ADAM28: variants seen among roughly 807,000 people sequenced by gnomAD.
The protein encoded by ADAM28 is disintegrin and metalloproteinase domain-containing protein 28.
Under a neutral mutation model 101.2 loss-of-function variants are expected in ADAM28, and 105 were observed. The ratio of observed to expected loss-of-function variants is 1.04; its 90% CI spans 0.89 to 1.22. The LOEUF (loss-of-function observed/expected upper bound fraction) is 1.22, where lower values mean the gene tolerates loss of function less well. Among genes scored for constraint, ADAM28 ranks in the 50% most tolerant of loss-of-function variants. The probability of loss-of-function intolerance (pLI) is 0.00; values close to 1 mark genes in which losing one functional copy is unlikely to be tolerated. For synonymous variants in ADAM28, 322 were observed against 310.6 expected (o/e 1.04, Z -0.39); for missense variants, 1,028 against 945.4 (o/e 1.09, Z -1.15).
At chr8:24,311,218 T>C in intron 4 of ADAM28, 143 bp from the exon 5 acceptor site, 1 of 567,344 alleles carries the variant, frequency 1.8e-6, no homozygotes, top group Non-Finnish European at 3.0e-6. Flanking sequence ...TTTTAATTAT[T>C]TTTTAAACAT....
rs1810223624 is a variant in ADAM28, at chr8:24,309,944, T to C, written c.201T>C (p.Ile67=). 4 of 1,572,478 alleles carry C rather than the reference T, an allele frequency of 2.5e-6. No homozygotes were observed. Among genetic ancestry groups the C allele is most frequent in the East Asian group, 2.2e-5 (1 of 44,676 alleles). Residue 67 remains isoleucine, a synonymous_variant, in exon 3 of 23, where the codon ATT becomes ATC. Transcript: ENST00000265769. ...ATAAAATGACAATTAATGGAAAAAT[T>C]GCAGTGCTTTATTTGAAAAAAAACA... ...LKYKMTINGK[I]AVLYLKKNKN...
At chr8:24,338,784 T>C (rs1585696913) in intron 14 of ADAM28, among the ~76,000 whole-genome samples, 1 of 152,234 alleles carries the variant, frequency 6.6e-6, no homozygotes, top group East Asian at 1.9e-4. Context: ...AGAAGGAACA[T>C]AGGTCTTTCT....
chr8:24,299,725 C>CAGT, intron 1 of ADAM28: 1 of 280,558 alleles, frequency 3.6e-6, no homozygotes. Flanking sequence ...TCTCTAAATA[C>CAGT]AGTAACACCT....
In ADAM28 at chr8:24,333,227, A is replaced by G. The variant is rs372226196; in HGVS notation, c.1371+478A>G. 3.9e-5 allele frequency among the ~76,000 whole-genome samples: 6 copies of G among 152,166 alleles called. No homozygotes were observed. In the East Asian group the frequency reaches 1.2e-3, roughly 29 times the overall value. ...AAGTTACAGTTATGTAGCATGAGTA[A>G]GGTTAAAGATCTAATGTACAACATG... On this transcript the variant is annotated intron_variant, in intron 13 of 22. Transcript: ENST00000265769.
intron 1 of ADAM28, among the ~76,000 whole-genome samples, chr8:24,299,031 GAA>G (rs34327674): frequency 0.032 from 3,736 of 116,812 alleles, 173 homozygotes; most frequent in African/African-American, 0.11. Flanking sequence ...TTCTCTAATA[GAA>G]AAAAAAAAAA....
rs746591103 is a variant in ADAM28, at chr8:24,311,422, C to T, written c.368C>T (p.Thr123Ile). ...AAGGTTTCTGACGCTAGCATCAGCA[C>T]ATGTAGGGGTCTAAGGTAAGACTTC... ...NEKVSDASIS[T>I]CRGLRGYFSQ... is the part of the protein sequence containing the mutation. The change falls in exon 5 of 23, where the codon ACA becomes ATA. Residue 123 changes from threonine (T) to isoleucine (I), a missense_variant. By Grantham distance (89) the Thr-to-Ile change is moderately conservative (BLOSUM62 -1). Transcript: ENST00000265769. 6.2e-7 allele frequency: 1 copy of T among 1,612,896 alleles called. No homozygotes were observed. Among genetic ancestry groups the T allele is most frequent in the South Asian group, 1.1e-5 (1 of 90,970 alleles).
At chr8:24,312,568 G>A (rs185176043) in intron 5 of ADAM28, among the ~76,000 whole-genome samples, 1 of 151,832 alleles carries the variant, frequency 6.6e-6, no homozygotes, top group Admixed American at 6.6e-5. Context: ...CTAATTTTAT[G>A]TACATTTAAT....
Position 24,349,910 on chromosome 8 carries a change from TGTG to T in ADAM28, c.2043_2045del (p.Val682del), listed in dbSNP as rs1447805046. 6.2e-7 allele frequency: 1 copy of T among 1,613,620 alleles called. No homozygotes were observed. The highest frequency in any genetic ancestry group is 1.3e-5 in the African/African-American group (1 of 74,858). On this transcript the variant is annotated inframe_deletion, in exon 19 of 23. Coordinates refer to ENST00000265769, the MANE Select transcript of ADAM28 (RefSeq NM_014265.6). Reference sequence around the variant, plus strand: ...TGCTGTTCCCAATGGCGGTCATTTTTGTGGTGGTTGCTATGGTAATCCGGCACC... The same window carrying T: ...TGCTGTTCCCAATGGCGGTCATTTTTGTGGTTGCTATGGTAATCCGGCACC...
At chr8:24,341,966 C>G (rs1453741170) in intron 16 of ADAM28, among the ~76,000 whole-genome samples, 1 of 152,186 alleles carries the variant, frequency 6.6e-6, no homozygotes, top group African/African-American at 2.4e-5. Context: ...CTGACATTAA[C>G]ATTCTCAAAC....
At chr8:24,331,783 A>C (rs1264111086) in intron 12 of ADAM28, among the ~76,000 whole-genome samples, 1 of 152,142 alleles carries the variant, frequency 6.6e-6, no homozygotes, top group Non-Finnish European at 1.5e-5. Context: ...AAGACCACCC[A>C]GCACAGGGAT....
chr8:24,354,536 C>G lies in ADAM28; in HGVS notation c.*132C>G. ...TCAAGAAGGTTAACATTTTCTGATTCATGTTAGACTTTGAAGAGACTAAAG... is the reference window on the plus strand; with the variant it reads ...TCAAGAAGGTTAACATTTTCTGATTGATGTTAGACTTTGAAGAGACTAAAG... On this transcript the variant is annotated 3_prime_UTR_variant, in exon 23 of 23. Transcript: ENST00000265769. 8.9e-7 allele frequency: 1 copy of G among 1,121,814 alleles called. No individual in the cohort carries two copies. The highest frequency in any genetic ancestry group is 1.2e-6 in the Non-Finnish European group (1 of 812,066). The allele number at this position is 1,121,814 out of a possible 1,614,324, so 69.5% of individuals were successfully genotyped here. A position where few individuals can be genotyped will look rare whatever the true frequency, so the allele number is the denominator to read the frequency against.
At chr8:24,348,913 G>A (rs6994337) in intron 18 of ADAM28, among the ~76,000 whole-genome samples, 26,426 of 152,070 alleles carry the variant, frequency 0.17, 2,390 homozygotes, top group East Asian at 0.34. Context: ...GTAAGTGTAT[G>A]TTTTTCATTC....
intron 18 of ADAM28, among the ~76,000 whole-genome samples, chr8:24,349,427 A>G (rs1361555664): frequency 6.6e-6 from 1 of 152,200 alleles, no homozygotes; most frequent in Non-Finnish European, 1.5e-5. Flanking sequence ...TTGTCTTCTT[A>G]GTCACACCTC....
intron 14 of ADAM28, 146 bp downstream of exon 14, chr8:24,335,787 GT>G: frequency 7.6e-7 from 1 of 1,316,190 alleles, no homozygotes; most frequent in East Asian, 2.9e-5. Flanking sequence ...AAGATTTGAG[GT>G]TGGTTTTAGG....
intron 2 of ADAM28, among the ~76,000 whole-genome samples, chr8:24,309,356 GTT>G (rs1810128666): frequency 1.3e-5 from 2 of 152,086 alleles, no homozygotes; most frequent in Non-Finnish European, 2.9e-5. Context: ...TGTGATAGAA[GTT>G]TTTAGGCGTC....
intron 18 of ADAM28, among the ~76,000 whole-genome samples, chr8:24,346,301 A>T (rs1815392553): frequency 6.6e-6 from 1 of 152,072 alleles, no homozygotes; most frequent in African/African-American, 2.4e-5. Flanking sequence ...ATCTCATTGC[A>T]GTTGTTGAAT....
intron 8 of ADAM28, 101 bp downstream of exon 8, chr8:24,321,390 A>AT (rs1811861190): frequency 2.1e-6 from 2 of 974,390 alleles, no homozygotes; most frequent in Non-Finnish European, 3.3e-6. Flanking sequence ...AAGTCAAGAC[A>AT]TTTGAGACCA....
At chr8:24,342,595 C>G (rs1814911564) in intron 16 of ADAM28, among the ~76,000 whole-genome samples, 1 of 152,120 alleles carries the variant, frequency 6.6e-6, no homozygotes, top group East Asian at 1.9e-4. Flanking sequence ...ATGCTAGCAT[C>G]AAGGGCAAGG....
intron 18 of ADAM28, among the ~76,000 whole-genome samples, chr8:24,348,343 A>G (rs1035667830): frequency 3.9e-5 from 6 of 152,246 alleles, no homozygotes; most frequent in African/African-American, 1.4e-4. Context: ...TTCCCTCACC[A>G]TCAACATCCC....
Sources: allele counts gnomAD v4.1 joint callset (sites outside exome capture counted in the v4.1 genomes callset), GRCh38; gene constraint gnomAD v4.1.1; transcripts MANE v1.5; gene names NCBI Gene and HGNC (gene_info 2026-07-23, HGNC 2026-07-21).